Variants in PCDHGA5 observed in about 807,000 individuals in gnomAD.
PCDHGA5 encodes protocadherin gamma subfamily A, 5.
PCDHGA5 carries 36 observed loss-of-function variants against 56.7 expected under a neutral mutation model. The observed-to-expected ratio is 0.64, with a 90% CI of 0.49 to 0.84. PCDHGA5 has a LOEUF of 0.84. Among genes scored for constraint, PCDHGA5 ranks in the 40% least tolerant of loss-of-function variants. PCDHGA5 has a pLI of 0.00. For synonymous variants in PCDHGA5, 563 were observed against 520.2 expected (o/e 1.08, Z -1.12); for missense variants, 1,305 against 1,201.5 (o/e 1.09, Z -1.27).
At chr5:141,441,911 T>TGAG in intron 1 of PCDHGA5, 1 of 348,148 alleles carries the variant, frequency 2.9e-6, no homozygotes, top group Non-Finnish European at 5.5e-6. Context: ...GACGCAGATG[T>TGAG]GAGACACAAT....
At chr5:141,461,409 A>G (rs572412049) in intron 1 of PCDHGA5, among the ~76,000 whole-genome samples, 1 of 151,928 alleles carries the variant, frequency 6.6e-6, no homozygotes, top group East Asian at 1.9e-4. Flanking sequence ...GCATTTTTTC[A>G]TATGTTTGTG....
In PCDHGA5 at chr5:141,486,708, C is replaced by A; in HGVS notation, c.2422-8099C>A. On this transcript the variant is annotated intron_variant, in intron 1 of 3. Transcript: ENST00000518069. The surrounding 1 kb of genome is among the most constrained non-coding windows in gnomAD (Gnocchi z 5.0). ...GCTTCCTCTTTCATCTCTCTGAACC[C>A]CCAGACAGGAGCTGTTCATGCTACT... is the stretch of plus-strand genomic sequence containing the variant. 6.2e-7 allele frequency: 1 copy of A among 1,614,180 alleles called. No individual in the cohort carries two copies. Among genetic ancestry groups the A allele is most frequent in the South Asian group, 1.1e-5 (1 of 91,084 alleles).
intron 3 of PCDHGA5, 89 bp from the exon 4 acceptor site, chr5:141,510,858 T>C (rs992991460): frequency 5.8e-5 from 93 of 1,606,182 alleles, no homozygotes; most frequent in South Asian, 1.0e-4. Flanking sequence ...GGGTGCTGTA[T>C]AGGCATTCAT....
chr5:141,388,778 A>G, intron 1 of PCDHGA5: 1 of 1,613,944 alleles, frequency 6.2e-7, no homozygotes, highest in Non-Finnish European at 8.5e-7. Flanking sequence ...ACACCGGGGA[A>G]ATTACTGTTT....
chr5:141,404,695 TGCAGAGCC>T, intron 1 of PCDHGA5: 1 of 1,614,122 alleles, frequency 6.2e-7, no homozygotes, highest in Non-Finnish European at 8.5e-7. Flanking sequence ...CACCCCGCTC[TGCAGAGCC>T]TGGCTACCTG....
chr5:141,432,120 A>G lies in PCDHGA5; in HGVS notation c.2422-62687A>G, dbSNP rs764363553. 12 of 1,613,978 alleles carry G rather than the reference A, an allele frequency of 7.4e-6. No homozygotes were observed. The highest frequency in any genetic ancestry group is 5.3e-5 in the African/African-American group (4 of 74,894). ...AACGACAACCCGCCGGTCTTCCCTCAGGCCTCCTATTCCGCTTATATCCCA... is the reference window on the plus strand; with the variant it reads ...AACGACAACCCGCCGGTCTTCCCTCGGGCCTCCTATTCCGCTTATATCCCA... On this transcript the variant is annotated intron_variant, in intron 1 of 3. Transcript: ENST00000518069. The surrounding 1 kb of genome is among the most constrained non-coding windows in gnomAD (Gnocchi z 6.0).
rs1312101699 is a variant in PCDHGA5 at position 141,421,245 on chromosome 5, G to C, written c.2421+54494G>C. ...AGCCTGCCATGGCGAATCGGCTACA[G>C]CGCGGGGACCGCAGTCGGCTGCTGC... On this transcript the variant is annotated intron_variant, in intron 1 of 3. Coordinates refer to ENST00000518069, the MANE Select transcript of PCDHGA5 (RefSeq NM_018918.3). 6.2e-7 allele frequency: 1 copy of C among 1,603,936 alleles called. No homozygotes were observed. The highest frequency in any genetic ancestry group is 8.5e-7 in the Non-Finnish European group (1 of 1,176,330).
chr5:141,489,990 A>G lies in PCDHGA5; in HGVS notation c.2422-4817A>G. ...TCCAATCCTCAGTTCTACGTGTGGG[A>G]ATCCCAGAGAATGCACCCATTGGTA... is the stretch of plus-strand genomic sequence containing the variant. On this transcript the variant is annotated intron_variant, in intron 1 of 3. Transcript: ENST00000518069. This position sits in a 1 kb window ranked among gnomAD's most constrained non-coding sequence, Gnocchi z 4.5. 6.2e-7 allele frequency: 1 copy of G among 1,614,256 alleles called. No individual in the cohort carries two copies. Among genetic ancestry groups the G allele is most frequent in the Non-Finnish European group, 8.5e-7 (1 of 1,180,030 alleles).
chr5:141,450,758 A>G (rs1007910264), intron 1 of PCDHGA5, among the ~76,000 whole-genome samples: 2 of 151,784 alleles, frequency 1.3e-5, no homozygotes, highest in African/African-American at 4.8e-5. Flanking sequence ...AAGTGCCGGG[A>G]TTACAGGCAT....
chr5:141,380,114 G>T (rs1776224365), intron 1 of PCDHGA5, among the ~76,000 whole-genome samples: 1 of 151,828 alleles, frequency 6.6e-6, no homozygotes, highest in Non-Finnish European at 1.5e-5. Context: ...TGGCCAGGCT[G>T]GTCTCAAACT....
intron 1 of PCDHGA5, chr5:141,402,944 G>C (rs1487270083): frequency 2.5e-6 from 4 of 1,592,136 alleles, no homozygotes; most frequent in African/African-American, 1.3e-5. Context: ...ATTCCAAAGC[G>C]AGGCAGCAAT....
chr5:141,366,740 C>T lies in PCDHGA5; in HGVS notation c.2410C>T (p.Arg804Trp), dbSNP rs541987209. The T allele has an allele frequency of 1.9e-5, 30 of 1,611,948 alleles. No homozygotes were observed. The highest frequency in any genetic ancestry group is 2.3e-5 in the Non-Finnish European group (27 of 1,178,366). Residue 804 changes from arginine to tryptophan, a missense_variant, in exon 1 of 4, where the codon CGG becomes TGG. Physicochemically the swap from Arg to Trp is moderately radical, Grantham distance 101 (BLOSUM62 -3). Transcript: ENST00000518069. ...SDKVDANKEERRVQQAPPNTD... is the reference protein window; with the variant it reads ...SDKVDANKEEWRVQQAPPNTD... ...TAAGGTAGATGCAAACAAAGAAGAA[C>T]GGCGAGTTCAGGTTAGTTTTCTCTT...
At chr5:141,441,730 A>ATGGT in intron 1 of PCDHGA5, 1 of 362,748 alleles carries the variant, frequency 2.8e-6, no homozygotes, top group South Asian at 2.2e-5. Flanking sequence ...CGCGACCAGG[A>ATGGT]CTAGCTCGCG....
intron 1 of PCDHGA5, chr5:141,410,555 C>T (rs768561351): frequency 1.9e-6 from 3 of 1,613,084 alleles, no homozygotes; most frequent in Middle Eastern, 1.6e-4. Context: ...CAGTGTTTCT[C>T]CTGGAGCCTT....
intron 1 of PCDHGA5, chr5:141,394,390 G>A (rs758609540): frequency 2.5e-6 from 4 of 1,614,100 alleles, no homozygotes; most frequent in South Asian, 2.2e-5. Flanking sequence ...GAGCAGATCC[G>A]AGACCTGCAG....
At chr5:141,438,591 C>CATATATATATATATATATAT (rs946798767) in intron 1 of PCDHGA5, among the ~76,000 whole-genome samples, 1 of 75,562 alleles carries the variant, frequency 1.3e-5, no homozygotes, top group Non-Finnish European at 2.7e-5. Context: ...TACATACATA[C>CATATATATATATATATATAT]ATATATATAT....
chr5:141,445,363 T>C (rs186841717), intron 1 of PCDHGA5, among the ~76,000 whole-genome samples: 9 of 152,284 alleles, frequency 5.9e-5, no homozygotes. Context: ...CCAAGTCTGG[T>C]CCTGGGTGGT....
chr5:141,471,046 CTTTTT>C (rs1170588345), intron 1 of PCDHGA5, among the ~76,000 whole-genome samples: 2 of 113,276 alleles, frequency 1.8e-5, no homozygotes, highest in Non-Finnish European at 3.6e-5. Context: ...CCCAAGCCCT[CTTTTT>C]TTTTTTTTTT....
chr5:141,418,452 A>C (rs2096259372), intron 1 of PCDHGA5: 5 of 1,614,024 alleles, frequency 3.1e-6, no homozygotes, highest in Non-Finnish European at 4.2e-6. Context: ...GTATTGCAGA[A>C]GACTCTGGAC....
Sources: gnomAD v4.1 joint callset for allele counts (sites outside exome capture counted in the v4.1 genomes callset) on GRCh38, gnomAD v4.1.1 for gene constraint, Gnocchi (gnomAD v3.1) non-coding constraint, MANE v1.5 for transcripts, NCBI Gene and HGNC (gene_info 2026-07-23, HGNC 2026-07-21) for gene names.